DLGAP1: variants seen among roughly 807,000 people sequenced by gnomAD.
DLGAP1 encodes DLG associated protein 1.
In DLGAP1, 11 loss-of-function variants were observed where a neutral mutation model predicts 90.8. The observed-to-expected ratio is 0.12, with a 90% CI of 0.08 to 0.20. The LOEUF is 0.20. Among genes scored for constraint, DLGAP1 ranks in the 10% least tolerant of loss-of-function variants. The pLI is 1.00. For missense variants in DLGAP1, 1,050 were observed against 1,333.8 expected, an observed-to-expected ratio of 0.79 and a Z score of 3.31; for synonymous variants, 558 against 540.7, an observed-to-expected ratio of 1.03 and a Z score of -0.44.
At chr18:3,557,857 G>A (rs547385915) in intron 9 of DLGAP1, among the ~76,000 whole-genome samples, 1 of 151,966 alleles carries the variant, frequency 6.6e-6, no homozygotes, top group South Asian at 2.1e-4. Flanking sequence ...AACCCAGGAG[G>A]CAGAGGTTGC....
Position 3,772,515 on chromosome 18 carries a change from ATTCT to A in DLGAP1, c.1173-30007_1173-30004del, listed in dbSNP as rs549253190. Among the ~76,000 whole-genome samples the A allele has an allele frequency of 3.3e-4, 47 of 141,384 alleles. No homozygotes were observed. The East Asian group carries it at 9.5e-3, about 28-fold the overall frequency. 92.8% of individuals were successfully genotyped at this position (141,384 alleles called of 152,430 possible). A position where few individuals can be genotyped will look rare whatever the true frequency, so the allele number is the denominator to read the frequency against. ...GGAGATCTTAATGAGCTCCTTGTGT[ATTCT>A]TTCTTTCTTTTCTTTCTGGTCTAGT... On this transcript the variant is annotated intron_variant, in intron 5 of 12. Coordinates refer to ENST00000315677, the MANE Select transcript of DLGAP1 (RefSeq NM_004746.4).
chr18:3,641,610 C>CACACACACAG (rs1242190319), intron 7 of DLGAP1, among the ~76,000 whole-genome samples: 186 of 150,582 alleles, frequency 1.2e-3, no homozygotes, highest in African/African-American at 4.4e-3. Flanking sequence ...CACACACACA[C>CACACACACAG]ACAGACACAC....
chr18:3,662,224 A>AAAAAC (rs1259331245), intron 7 of DLGAP1, among the ~76,000 whole-genome samples: 4 of 152,344 alleles, frequency 2.6e-5, no homozygotes, highest in Admixed American at 6.5e-5. Context: ...TGTGTTGAGT[A>AAAAAC]AAAACAAAAC....
chr18:3,979,390 G>C (rs1328551695), intron 3 of DLGAP1, among the ~76,000 whole-genome samples: 1 of 152,114 alleles, frequency 6.6e-6, no homozygotes, highest in Admixed American at 6.5e-5. Flanking sequence ...TACCATCTAG[G>C]GTTGCACTCT....
At chr18:4,353,021 A>G (rs1188024764) in intron 1 of DLGAP1, among the ~76,000 whole-genome samples, 1 of 152,204 alleles carries the variant, frequency 6.6e-6, no homozygotes, top group Non-Finnish European at 1.5e-5. Context: ...GTAGTCAAGT[A>G]CAGTTATCAT....
intron 1 of DLGAP1, among the ~76,000 whole-genome samples, chr18:4,277,711 T>C (rs539490675): frequency 3.9e-5 from 6 of 152,362 alleles, no homozygotes; most frequent in African/African-American, 1.4e-4. Context: ...CCCACATTAC[T>C]GCAGCCGAGA....
chr18:4,315,382 C>T (rs1482298939), intron 1 of DLGAP1, among the ~76,000 whole-genome samples: 1 of 152,160 alleles, frequency 6.6e-6, no homozygotes, highest in East Asian at 1.9e-4. Context: ...GAATTAAATG[C>T]TTGCTTGCCA....
At chr18:3,920,691 A>G (rs190073793) in intron 3 of DLGAP1, among the ~76,000 whole-genome samples, 3 of 152,278 alleles carry the variant, frequency 2.0e-5, no homozygotes, top group African/African-American at 7.2e-5. Flanking sequence ...CCAAGGATAC[A>G]CTTCAAGGTA....
intron 2 of DLGAP1, among the ~76,000 whole-genome samples, chr18:4,094,342 T>G (rs1256145705): frequency 6.6e-6 from 1 of 152,282 alleles, no homozygotes; most frequent in East Asian, 1.9e-4. Context: ...ATTTCTGATT[T>G]TATTGAAAAT....
chr18:4,306,182 G>A (rs2080254965), intron 1 of DLGAP1, among the ~76,000 whole-genome samples: 1 of 151,956 alleles, frequency 6.6e-6, no homozygotes, highest in Non-Finnish European at 1.5e-5. Context: ...CAGATCCCAG[G>A]AAGGCAATTG....
chr18:4,094,953 T>C (rs929721670), intron 2 of DLGAP1, among the ~76,000 whole-genome samples: 26 of 152,176 alleles, frequency 1.7e-4, no homozygotes, highest in African/African-American at 6.3e-4. Context: ...CCTATCTTTT[T>C]AGTAGGATTA....
At chr18:4,434,092 T>C (rs528656340) in intron 1 of DLGAP1, among the ~76,000 whole-genome samples, 1 of 152,210 alleles carries the variant, frequency 6.6e-6, no homozygotes, top group South Asian at 2.1e-4. Flanking sequence ...AGGTATCCCT[T>C]TCCTAAAGAC....
chr18:3,497,494 A>G lies in DLGAP1; in HGVS notation c.*1691T>C, dbSNP rs934212968. On this transcript the variant is annotated 3_prime_UTR_variant, in exon 13 of 13. Coordinates refer to ENST00000315677, the MANE Select transcript of DLGAP1 (RefSeq NM_004746.4). ...GTGGTTTTAGAATATGTCCGTGAAA[A>G]TATCTGTTGCTAGAACCCATCACCT... is the stretch of plus-strand genomic sequence containing the variant. The G allele has an allele frequency of 6.6e-6, 1 of 152,292 alleles. No individual in the cohort carries two copies. Among genetic ancestry groups the G allele is most frequent in the East Asian group, 1.9e-4 (1 of 5,190 alleles). The allele number at this position is 152,292 out of a possible 1,614,324, so 9.4% of individuals were successfully genotyped here.
Position 3,565,522 on chromosome 18 carries a change from CAT to C in DLGAP1, c.2057+1966_2057+1967del, listed in dbSNP as rs1250191741. On this transcript the variant is annotated intron_variant, in intron 9 of 12. Coordinates refer to ENST00000315677, the MANE Select transcript of DLGAP1 (RefSeq NM_004746.4). The surrounding 1 kb of genome is among the most constrained non-coding windows in gnomAD (Gnocchi z 4.0). ...TTTTCTAAAACACTTAATAAAGAAA[CAT>C]ATGCCTAGGACATTAAAGCAATGAT... 2.6e-5 allele frequency among the ~76,000 whole-genome samples: 4 copies of C among 151,862 alleles called. No homozygotes were observed. The highest frequency in any genetic ancestry group is 4.4e-5 in the Non-Finnish European group (3 of 67,972).
rs956813787 is a variant in DLGAP1, at chr18:4,226,558, TTAAAG to T, written c.-266-75276_-266-75272del. On this transcript the variant is annotated intron_variant, in intron 1 of 12. Transcript: ENST00000315677. The stretch of plus-strand genomic sequence containing the variant: ...AAAGTTAAAAAGTGTGGGGACAAAG[TTAAAG>T]TATAGAGTTTTTATTAGTTTTCTCT... Among the ~76,000 whole-genome samples the T allele has an allele frequency of 2.0e-5, 3 of 150,260 alleles. No individual in the cohort carries two copies. In the South Asian group the frequency reaches 6.3e-4, roughly 32 times the overall value.
At chr18:4,038,890 A>G (rs2074931293) in intron 2 of DLGAP1, among the ~76,000 whole-genome samples, 2 of 152,076 alleles carry the variant, frequency 1.3e-5, no homozygotes, top group Admixed American at 1.3e-4. Flanking sequence ...AAAACCTTAC[A>G]CATTTATTCT....
intron 2 of DLGAP1, among the ~76,000 whole-genome samples, chr18:4,057,318 G>A (rs1170027277): frequency 6.6e-6 from 1 of 152,108 alleles, no homozygotes; most frequent in African/African-American, 2.4e-5. Context: ...GAGGCAAAAT[G>A]GCAGGCTTTA....
At chr18:3,691,896 G>C (rs1291437585) in intron 7 of DLGAP1, among the ~76,000 whole-genome samples, 1 of 151,860 alleles carries the variant, frequency 6.6e-6, no homozygotes, top group Non-Finnish European at 1.5e-5. Context: ...TTCCTGTCTG[G>C]GTGACAGAGC....
At chr18:3,765,143 T>G (rs1325028017) in intron 5 of DLGAP1, among the ~76,000 whole-genome samples, 1 of 143,198 alleles carries the variant, frequency 7.0e-6, no homozygotes, top group East Asian at 2.2e-4. Context: ...TTTTTTTTTT[T>G]TTGAGACAGA....
Sources: gnomAD v4.1 joint callset for allele counts (sites outside exome capture counted in the v4.1 genomes callset) on GRCh38, gnomAD v4.1.1 for gene constraint, Gnocchi (gnomAD v3.1) non-coding constraint, MANE v1.5 for transcripts, NCBI Gene and HGNC (gene_info 2026-07-23, HGNC 2026-07-21) for gene names.